Variants in NLGN4X observed in about 807,000 individuals in gnomAD.
NLGN4X encodes the protein neuroligin 4 X-linked.
In NLGN4X, 3 loss-of-function variants were observed where a neutral mutation model predicts 40.3. The ratio of observed to expected loss-of-function variants is 0.07; its 90% CI spans 0.03 to 0.19. The LOEUF (loss-of-function observed/expected upper bound fraction) is 0.19. NLGN4X is among the 10% of genes least tolerant of loss of function. The pLI is 1.00. For missense variants in NLGN4X, 382 were observed against 708.3 expected, an observed-to-expected ratio of 0.54 and a Z score of 5.23; for synonymous variants, 270 against 306.8, an observed-to-expected ratio of 0.88 and a Z score of 1.25.
At chrX:6,216,661 T>C (rs894523744) in intron 1 of NLGN4X, among the ~76,000 whole-genome samples, 1 of 106,919 alleles carries the variant, frequency 9.4e-6, no homozygotes, top group African/African-American at 3.5e-5. Flanking sequence ...CTCCTCTGTT[T>C]GGTTTTTGTT....
chrX:6,102,682 A>G (rs1269786423), intron 2 of NLGN4X, among the ~76,000 whole-genome samples: 1 of 111,989 alleles, frequency 8.9e-6, no homozygotes, highest in East Asian at 2.8e-4. Flanking sequence ...ATAGACAGAT[A>G]GATACATAGA....
intron 2 of NLGN4X, among the ~76,000 whole-genome samples, chrX:6,087,268 T>C (rs1347075036): frequency 2.7e-5 from 3 of 111,691 alleles, no homozygotes; most frequent in Non-Finnish European, 5.6e-5. Flanking sequence ...TTGACTTTTT[T>C]TAATACAGCA....
At chrX:5,901,291 T>G (rs1366188151) in intron 5 of NLGN4X, among the ~76,000 whole-genome samples, 1 of 112,256 alleles carries the variant, frequency 8.9e-6, no homozygotes. Context: ...AACTCATGTG[T>G]GGCAGGGCCA....
chrX:6,029,660 C>T (rs1408664572), intron 2 of NLGN4X, among the ~76,000 whole-genome samples: 2 of 102,687 alleles, frequency 1.9e-5, no homozygotes, highest in African/African-American at 3.4e-5. Flanking sequence ...AGACATTTAG[C>T]GTACTCTGCT....
intron 3 of NLGN4X, among the ~76,000 whole-genome samples, chrX:6,015,420 CTCTTAT>C (rs918819091): frequency 1.8e-5 from 2 of 111,542 alleles, no homozygotes; most frequent in African/African-American, 6.5e-5. Flanking sequence ...CCCTCTCTTT[CTCTTAT>C]TATTACTAGT....
chrX:6,210,971 C>T (rs763066124), intron 1 of NLGN4X, among the ~76,000 whole-genome samples: 22 of 111,867 alleles, frequency 2.0e-4, no homozygotes, highest in African/African-American at 6.5e-4. Context: ...TTTAGAGCAA[C>T]GTACAGACAT....
At chrX:6,193,266 G>A (rs922022585) in intron 1 of NLGN4X, among the ~76,000 whole-genome samples, 3 of 110,850 alleles carry the variant, frequency 2.7e-5, no homozygotes, top group Admixed American at 9.5e-5. Context: ...AAAATTAGCC[G>A]GGCGCAGTGG....
At chrX:6,042,747 A>C (rs776718636) in intron 2 of NLGN4X, among the ~76,000 whole-genome samples, 1 of 83,012 alleles carries the variant, frequency 1.2e-5, no homozygotes, top group Non-Finnish European at 2.3e-5. Flanking sequence ...ACACGTACAC[A>C]TATCTATACA....
chrX:6,004,863 T>C (rs1313551169), intron 3 of NLGN4X, among the ~76,000 whole-genome samples: 6 of 112,059 alleles, frequency 5.4e-5, no homozygotes, highest in African/African-American at 1.9e-4. Context: ...CTGTAACGTT[T>C]CACGTTCCTA....
chrX:5,973,768 A>G (rs2035094378), intron 3 of NLGN4X, among the ~76,000 whole-genome samples: 1 of 110,835 alleles, frequency 9.0e-6, no homozygotes, highest in African/African-American at 3.3e-5. Flanking sequence ...GCTTGCAGTG[A>G]GCCGAGATCG....
At chrX:6,120,852 G>A (rs1177244464) in intron 2 of NLGN4X, among the ~76,000 whole-genome samples, 1 of 111,617 alleles carries the variant, frequency 9.0e-6, no homozygotes, top group East Asian at 2.8e-4. Flanking sequence ...GCGTGAACAA[G>A]AATAAAAAAT....
chrX:6,213,454 G>A (rs1483426230), intron 1 of NLGN4X, among the ~76,000 whole-genome samples: 1 of 111,613 alleles, frequency 9.0e-6, no homozygotes, highest in Non-Finnish European at 1.9e-5. Flanking sequence ...GGACACCAGT[G>A]AAATCCAAAC....
At chrX:6,168,344 G>A (rs1304352508) in intron 1 of NLGN4X, among the ~76,000 whole-genome samples, 1 of 112,024 alleles carries the variant, frequency 8.9e-6, no homozygotes, top group Non-Finnish European at 1.9e-5. Flanking sequence ...AGTTCTGTCC[G>A]CAACTTCAAA....
intron 3 of NLGN4X, among the ~76,000 whole-genome samples, chrX:5,938,144 C>T (rs2033795428): frequency 9.0e-6 from 1 of 111,395 alleles, no homozygotes; most frequent in South Asian, 3.8e-4. Flanking sequence ...TGGGATCTCA[C>T]AGTCAGGAGT....
intron 1 of NLGN4X, among the ~76,000 whole-genome samples, chrX:6,174,269 A>T (rs1280434521): frequency 2.7e-5 from 3 of 111,034 alleles, no homozygotes; most frequent in African/African-American, 9.8e-5. Flanking sequence ...AAAAAAAAAA[A>T]TATATAACAG....
chrX:6,190,655 T>C (rs1569290716), intron 1 of NLGN4X, among the ~76,000 whole-genome samples: 1 of 112,022 alleles, frequency 8.9e-6, no homozygotes, highest in African/African-American at 3.2e-5. Flanking sequence ...GGCTCTGCTC[T>C]CTTTCTAATG....
chrX:6,018,149 T>C (rs1475270736), intron 3 of NLGN4X, among the ~76,000 whole-genome samples: 1 of 107,163 alleles, frequency 9.3e-6, no homozygotes, highest in Non-Finnish European at 1.9e-5. Flanking sequence ...TACACACATA[T>C]GTATGTATGT....
chrX:6,155,737 G>C (rs1436031975), intron 1 of NLGN4X, among the ~76,000 whole-genome samples: 1 of 112,402 alleles, frequency 8.9e-6, no homozygotes, highest in Non-Finnish European at 1.9e-5. Context: ...AATCTTAAGA[G>C]TTCTTTGCAC....
chrX:5,972,591 ATAAT>A (rs1267285579), intron 3 of NLGN4X, among the ~76,000 whole-genome samples: 1 of 111,853 alleles, frequency 8.9e-6, no homozygotes, highest in African/African-American at 3.2e-5. Context: ...GCAAATGATT[ATAAT>A]TAATACAAAA....
Sources: allele counts gnomAD v4.1 joint callset (sites outside exome capture counted in the v4.1 genomes callset), GRCh38; gene constraint gnomAD v4.1.1; transcripts MANE v1.5; gene names NCBI Gene and HGNC (gene_info 2026-07-23, HGNC 2026-07-21).